SLC22A25: variants seen among roughly 807,000 people sequenced by gnomAD.
The protein encoded by SLC22A25 is MGI:2442751, MGI:2385316, MGI:3042283, MGI:3645714, MGI:3605624, MGI:2442750.
A neutral mutation model predicts 45.9 loss-of-function variants in SLC22A25; 44 were observed. The ratio of observed to expected loss-of-function variants is 0.96; its 90% confidence interval spans 0.75 to 1.23. The LOEUF (loss-of-function observed/expected upper bound fraction) is 1.23, where lower values mean the gene tolerates loss of function less well. Among genes scored for constraint, SLC22A25 ranks in the 50% most tolerant of loss-of-function variants. The probability of loss-of-function intolerance (pLI) is 0.00; values close to 1 mark genes in which losing one functional copy is unlikely to be tolerated. For synonymous variants in SLC22A25, 283 were observed against 238.6 expected, an observed-to-expected ratio of 1.19 and a Z score of -1.72; for missense variants, 800 against 666.4, an observed-to-expected ratio of 1.20 and a Z score of -2.21.
intron 7 of SLC22A25, among the ~76,000 whole-genome samples, chr11:63,189,136 A>C (rs1435663861): frequency 1.3e-5 from 2 of 152,142 alleles, no homozygotes; most frequent in African/African-American, 4.8e-5. Context: ...TCTAATGTTG[A>C]CAGTGGGGTG....
intron 7 of SLC22A25, among the ~76,000 whole-genome samples, chr11:63,211,150 C>G (rs922312185): frequency 6.6e-6 from 1 of 152,136 alleles, no homozygotes; most frequent in Non-Finnish European, 1.5e-5. Flanking sequence ...AAACAGACCC[C>G]TGGGTGGTAG....
chr11:63,228,503 C>G lies in SLC22A25; in HGVS notation c.464G>C (p.Gly155Ala), dbSNP rs201403542. ...NSVAKFLFMA[G>A]MMVGGNLYGH... Reference sequence around the variant, plus strand: ...ATATAGGTTGCCTCCCACCATCATTCCAGCCATGAATAGAAATTTAGCTAC... The same window carrying G: ...ATATAGGTTGCCTCCCACCATCATTGCAGCCATGAATAGAAATTTAGCTAC... Residue 155 changes from glycine (G) to alanine (A), a missense_variant, in exon 5 of 12, where the codon GGA (glycine) becomes GCA (alanine). Transcript: ENST00000306494. 6.3e-5 allele frequency: 102 copies of G among 1,613,866 alleles called. No homozygotes were observed. Among genetic ancestry groups the G allele is most frequent in the Non-Finnish European group, 7.7e-5 (91 of 1,179,922 alleles).
chr11:63,199,672 G>C (rs2089175990), intron 7 of SLC22A25, among the ~76,000 whole-genome samples: 1 of 151,922 alleles, frequency 6.6e-6, no homozygotes, highest in Non-Finnish European at 1.5e-5. Flanking sequence ...AGCTACTTAG[G>C]TCATAAGTCA....
At chr11:63,165,661 G>A (rs1334791631) in intron 10 of SLC22A25, among the ~76,000 whole-genome samples, 3 of 152,222 alleles carry the variant, frequency 2.0e-5, no homozygotes, top group Admixed American at 2.0e-4. Context: ...AAAGAGCCCA[G>A]ACAGAGGAAA....
At position 63,229,456 on chromosome 11, in the gene SLC22A25, G is replaced by A. The variant is rs2090028047; in HGVS notation, c.197C>T (p.Thr66Ile). Residue 66 changes from threonine (T) to isoleucine (I), a missense_variant, in exon 4 of 12, where the codon ACC (threonine) becomes ATC (isoleucine). Physicochemically the swap from Thr to Ile is moderately conservative, Grantham distance 89. Coordinates refer to ENST00000306494, the MANE Select transcript of SLC22A25 (RefSeq NM_199352.6). ...TCTCAGGAGGGCATCCTGGCTGAGG[G>A]TCCCAGGGTCATTGTCAGGGATAGT... The part of the protein sequence containing the change: ...NDTIPDNDPG[T>I]LSQDALLRIS... 1 of 1,614,078 alleles carries A rather than the reference G, an allele frequency of 6.2e-7. No homozygotes were observed. The highest frequency in any genetic ancestry group is 8.5e-7 in the Non-Finnish European group (1 of 1,179,940).
intron 5 of SLC22A25, chr11:63,220,104 T>C (rs1458405318): frequency 4.2e-6 from 4 of 946,342 alleles, no homozygotes; most frequent in Non-Finnish European, 5.9e-6. Flanking sequence ...TGTCCTTAGA[T>C]TACTTACCTT....
chr11:63,240,884 C>T (rs1023485095), intron 1 of SLC22A25, among the ~76,000 whole-genome samples: 3 of 152,170 alleles, frequency 2.0e-5, no homozygotes, highest in African/African-American at 7.2e-5. Context: ...AGTAAATTAG[C>T]ACTTTATCCT....
rs372231630 is a variant in SLC22A25, at chr11:63,240,743, C to A, written c.-995-1608G>T. Among the ~76,000 whole-genome samples, 16 of 152,274 alleles carry A rather than the reference C, an allele frequency of 1.1e-4. No homozygotes were observed. In the East Asian group the frequency reaches 3.1e-3, roughly 29 times the overall value. ...CACAAGGTCATAATCATTAATATCA[C>A]CATTTTCCATCTTCACATCTTGTCT... On this transcript the variant is annotated intron_variant, in intron 1 of 11. Transcript: ENST00000306494.
chr11:63,181,591 C>G (rs941165261), intron 8 of SLC22A25, among the ~76,000 whole-genome samples: 1 of 151,992 alleles, frequency 6.6e-6, no homozygotes, highest in Non-Finnish European at 1.5e-5. Context: ...CAGGGATAAT[C>G]TTGGTCCCTC....
intron 7 of SLC22A25, among the ~76,000 whole-genome samples, chr11:63,198,072 C>A (rs1480040811): frequency 6.6e-6 from 1 of 152,164 alleles, no homozygotes. Flanking sequence ...AGTCAGGAAA[C>A]CACAGGTGCT....
chr11:63,177,826 A>G (rs1216159893), intron 9 of SLC22A25, among the ~76,000 whole-genome samples: 1 of 139,892 alleles, frequency 7.1e-6, no homozygotes, highest in Non-Finnish European at 1.5e-5. Flanking sequence ...TATATAATGT[A>G]TATATATAAT....
chr11:63,160,469 C>T lies in SLC22A25; in HGVS notation c.*3355G>A, dbSNP rs765237252. 2.0e-4 allele frequency among the ~76,000 whole-genome samples: 30 copies of T among 152,266 alleles called. No homozygotes were observed. The highest frequency in any genetic ancestry group is 3.1e-4 in the Non-Finnish European group (21 of 68,016). ...GGTTTGGGAACCTCCACCTAGATTT[C>T]AGAGGATGTATGGAAATGCCTGGAT... On this transcript the variant is annotated 3_prime_UTR_variant, in exon 12 of 12. Transcript: ENST00000306494.
Position 63,228,385 on chromosome 11 carries a change from A to G in SLC22A25, c.506+76T>C, listed in dbSNP as rs374916098. The G allele has an allele frequency of 2.0e-4, 251 of 1,248,636 alleles. No homozygotes were observed. In the African/African-American group the frequency reaches 3.3e-3, roughly 17 times the overall value. 77.3% of individuals were successfully genotyped at this position (1,248,636 alleles called of 1,614,324 possible). A position where few individuals can be genotyped will look rare whatever the true frequency, so the allele number is the denominator to read the frequency against. On this transcript the variant is annotated intron_variant, in intron 5 of 11. Transcript: ENST00000306494. Reference sequence around the variant, plus strand: ...GCAACAGGATAGTGTGATTTCCAAAAATATTTCTAGATGAAAAGTGTTTCA... The same window carrying G: ...GCAACAGGATAGTGTGATTTCCAAAGATATTTCTAGATGAAAAGTGTTTCA...
At position 63,212,835 on chromosome 11, in the gene SLC22A25, C is replaced by T. The variant is rs116548191; in HGVS notation, c.830+4479G>A. Among the ~76,000 whole-genome samples the T allele has an allele frequency of 3.9e-3, 589 of 151,932 alleles. 5 individuals carry two copies. The highest frequency in any genetic ancestry group is 0.014 in the African/African-American group (560 of 41,462). ...AAAAAAAATTCTACCATTTTTGAGGCGGCCTTGGCCACAGATCTTGAGGCT... is the reference window on the plus strand; with the variant it reads ...AAAAAAAATTCTACCATTTTTGAGGTGGCCTTGGCCACAGATCTTGAGGCT... On this transcript the variant is annotated intron_variant, in intron 7 of 11. Coordinates refer to ENST00000306494, the MANE Select transcript of SLC22A25 (RefSeq NM_199352.6).
chr11:63,226,984 G>C (rs11231417), intron 5 of SLC22A25, among the ~76,000 whole-genome samples: 55,696 of 151,894 alleles, frequency 0.37, 10,513 homozygotes, highest in East Asian at 0.56. Flanking sequence ...TCCAAGGGCT[G>C]TTTGGTCAGC....
At chr11:63,194,159 CTG>C (rs1424469061) in intron 7 of SLC22A25, among the ~76,000 whole-genome samples, 1 of 152,112 alleles carries the variant, frequency 6.6e-6, no homozygotes, top group Non-Finnish European at 1.5e-5. Context: ...AAATATGTGA[CTG>C]TGTGAAAAGA....
chr11:63,217,951 A>G (rs1565114661), intron 5 of SLC22A25: 2 of 654,114 alleles, frequency 3.1e-6, no homozygotes, highest in East Asian at 5.7e-5. Context: ...TTTCTTCTCC[A>G]ATCTGTTGCC....
At chr11:63,228,592 A>G (rs754384087) in intron 4 of SLC22A25, 28 bp from the exon 5 acceptor site, 95 of 1,518,970 alleles carry the variant, frequency 6.3e-5, no homozygotes, top group Non-Finnish European at 8.2e-5. Context: ...CCTCATATCA[A>G]TGCTTATAGC....
At chr11:63,175,838 T>C (rs117588481) in intron 9 of SLC22A25, among the ~76,000 whole-genome samples, 5,247 of 151,548 alleles carry the variant, frequency 0.035, 122 homozygotes, top group Non-Finnish European at 0.056. Flanking sequence ...TATATATATA[T>C]ACACATTTTA....
Sources: allele counts gnomAD v4.1 joint callset (sites outside exome capture counted in the v4.1 genomes callset), GRCh38; gene constraint gnomAD v4.1.1; transcripts MANE v1.5; gene names NCBI Gene and HGNC (gene_info 2026-07-23, HGNC 2026-07-21).